FAM168A: variants seen among roughly 807,000 people sequenced by gnomAD.
FAM168A encodes protein FAM168A.
FAM168A carries 3 observed loss-of-function variants against 28.5 expected under a neutral mutation model. That is an observed-to-expected ratio of 0.11 (90% CI 0.05 to 0.27). The LOEUF (loss-of-function observed/expected upper bound fraction) is 0.27, where lower values mean the gene tolerates loss of function less well. FAM168A is among the 10% of genes least tolerant of loss of function. The pLI is 1.00. For synonymous variants in FAM168A, 122 were observed against 124.2 expected (o/e 0.98, Z 0.12); for missense variants, 222 against 311.5 (o/e 0.71, Z 2.16).
intron 1 of FAM168A, among the ~76,000 whole-genome samples, chr11:73,531,690 C>G (rs944569708): frequency 3.9e-5 from 6 of 152,030 alleles, no homozygotes; most frequent in African/African-American, 1.4e-4. Context: ...AAACAACAAG[C>G]TCTTTCATAT....
At chr11:73,515,154 T>A (rs1268138794) in intron 1 of FAM168A, among the ~76,000 whole-genome samples, 2 of 152,168 alleles carry the variant, frequency 1.3e-5, no homozygotes, top group African/African-American at 2.4e-5. Context: ...GATTCCTTCA[T>A]TAAGATACTC....
At chr11:73,410,517 C>G (rs1226551961) in intron 5 of FAM168A, 2 of 152,148 alleles carry the variant, frequency 1.3e-5, no homozygotes, top group Non-Finnish European at 2.9e-5. Context: ...AGACAGTGGT[C>G]CAAGGTGACT....
At chr11:73,563,577 T>A (rs1274362100) in intron 1 of FAM168A, among the ~76,000 whole-genome samples, 1 of 152,120 alleles carries the variant, frequency 6.6e-6, no homozygotes, top group Non-Finnish European at 1.5e-5. Context: ...AAAAAAAAAT[T>A]ATACAATGGT....
chr11:73,590,038 G>T (rs1413253899), intron 1 of FAM168A, among the ~76,000 whole-genome samples: 1 of 152,116 alleles, frequency 6.6e-6, no homozygotes, highest in Non-Finnish European at 1.5e-5. Flanking sequence ...AGATACTAAA[G>T]AGATTGTTTT....
At chr11:73,408,634 G>A (rs1866551474) in intron 6 of FAM168A, among the ~76,000 whole-genome samples, 1 of 152,054 alleles carries the variant, frequency 6.6e-6, no homozygotes, top group Non-Finnish European at 1.5e-5. Context: ...ACAAAAATTA[G>A]CTGGGTGTAG....
At chr11:73,448,692 GAGA>G (rs1357146831) in intron 2 of FAM168A, among the ~76,000 whole-genome samples, 2 of 152,120 alleles carry the variant, frequency 1.3e-5, no homozygotes, top group African/African-American at 2.4e-5. Flanking sequence ...GCTTTCCTAG[GAGA>G]AGAACAGACA....
chr11:73,560,110 C>T (rs12280710), intron 1 of FAM168A, among the ~76,000 whole-genome samples: 120 of 152,266 alleles, frequency 7.9e-4, no homozygotes, highest in African/African-American at 2.5e-3. Context: ...GTCTCCCAGG[C>T]TGGAGTGCAG....
chr11:73,559,308 G>A (rs1037900832), intron 1 of FAM168A, among the ~76,000 whole-genome samples: 2 of 152,120 alleles, frequency 1.3e-5, no homozygotes, highest in African/African-American at 4.8e-5. Context: ...TCGGGAGGCT[G>A]AGGCAGGAGA....
At chr11:73,515,695 T>C (rs930577460) in intron 1 of FAM168A, among the ~76,000 whole-genome samples, 2 of 152,098 alleles carry the variant, frequency 1.3e-5, no homozygotes, top group African/African-American at 4.8e-5. Context: ...AGGGGCTCAA[T>C]TGAACTGGCG....
At chr11:73,494,121 T>TTTA in intron 1 of FAM168A, among the ~76,000 whole-genome samples, 2 of 152,280 alleles carry the variant, frequency 1.3e-5, no homozygotes, top group African/African-American at 4.8e-5. Context: ...GACATGTACA[T>TTTA]TATGTACAGT....
chr11:73,517,601 G>C (rs1406973457), intron 1 of FAM168A, among the ~76,000 whole-genome samples: 1 of 152,102 alleles, frequency 6.6e-6, no homozygotes, highest in Admixed American at 6.6e-5. Context: ...TCTTCGGAAG[G>C]TACACTCCTA....
At chr11:73,547,169 G>A (rs1943768917) in intron 1 of FAM168A, among the ~76,000 whole-genome samples, 1 of 146,190 alleles carries the variant, frequency 6.8e-6, no homozygotes, top group African/African-American at 2.6e-5. Context: ...AGGCGGGGGG[G>A]AGGAGGAGGA....
At chr11:73,519,792 G>GCA (rs1565281075) in intron 1 of FAM168A, among the ~76,000 whole-genome samples, 1 of 151,652 alleles carries the variant, frequency 6.6e-6, no homozygotes, top group African/African-American at 2.4e-5. Flanking sequence ...GTGTGTGTGT[G>GCA]TGCGTGTGCG....
At chr11:73,532,016 T>C (rs537489226) in intron 1 of FAM168A, among the ~76,000 whole-genome samples, 169 of 149,592 alleles carry the variant, frequency 1.1e-3, no homozygotes, top group Middle Eastern at 6.8e-3. Context: ...TTTCACCATG[T>C]TGCCCAGGCT....
chr11:73,477,921 GTAGATAGATAGATAGATAGA>G (rs35031500), intron 1 of FAM168A, among the ~76,000 whole-genome samples: 105 of 147,312 alleles, frequency 7.1e-4, no homozygotes, highest in Admixed American at 2.4e-3. Flanking sequence ...AAGCTGATAT[GTAGATAGATAGATAGATAGA>G]TAGATAGATA....
At chr11:73,435,734 GCTC>G (rs1867075979) in intron 2 of FAM168A, among the ~76,000 whole-genome samples, 1 of 152,128 alleles carries the variant, frequency 6.6e-6, no homozygotes, top group Non-Finnish European at 1.5e-5. Flanking sequence ...GATTGCTTGA[GCTC>G]AGGATCTCTA....
chr11:73,521,279 C>T (rs375635664), intron 1 of FAM168A, among the ~76,000 whole-genome samples: 1 of 152,074 alleles, frequency 6.6e-6, no homozygotes, highest in East Asian at 1.9e-4. Context: ...AATAACAGGA[C>T]ACACACCCTA....
rs140244480 is a variant in FAM168A at position 73,474,520 on chromosome 11, C to T, written c.-18-6028G>A. 4.7e-3 allele frequency among the ~76,000 whole-genome samples: 716 copies of T among 152,190 alleles called. 4 individuals carry two copies. Among genetic ancestry groups the T allele is most frequent in the Non-Finnish European group, 7.4e-3 (502 of 68,004 alleles). ...CCTGTTAAACAGACATTAAGCCCAC[C>T]CCTGAGGACAGGGCCCCCAGAACCT... On this transcript the variant is annotated intron_variant, in intron 1 of 7. Coordinates refer to ENST00000356467, the MANE Select transcript of FAM168A (RefSeq NM_015159.3).
rs1224931472 is a variant in FAM168A, at chr11:73,404,161, T to A, written c.*2602A>T. 1 of 152,242 alleles carries A rather than the reference T, an allele frequency of 6.6e-6. No homozygotes were observed. Among genetic ancestry groups the A allele is most frequent in the African/African-American group, 2.4e-5 (1 of 41,452 alleles). 9.4% of individuals were successfully genotyped at this position (152,242 alleles called of 1,614,324 possible). A position where few individuals can be genotyped will look rare whatever the true frequency, so the allele number is the denominator to read the frequency against. On this transcript the variant is annotated 3_prime_UTR_variant, in exon 8 of 8. Transcript: ENST00000356467. ...CAGCTGTTAGTTTTACTTACTGGTG[T>A]TGAAAGAACAAAAGTTACAAGGTCA... is the stretch of plus-strand genomic sequence containing the variant.
Sources: allele counts gnomAD v4.1 joint callset (sites outside exome capture counted in the v4.1 genomes callset), GRCh38; gene constraint gnomAD v4.1.1; transcripts MANE v1.5; gene names NCBI Gene and HGNC (gene_info 2026-07-23, HGNC 2026-07-21).